ZSCAN25: variants seen among roughly 807,000 people sequenced by gnomAD.
ZSCAN25 encodes zinc finger and SCAN domain containing 25, also known as zinc finger and SCAN domain-containing protein 25.
Under a neutral mutation model 38.7 loss-of-function variants are expected in ZSCAN25, and 27 were observed. That is an observed-to-expected ratio of 0.70 (90% CI 0.51 to 0.96). ZSCAN25 has a LOEUF of 0.96. Among genes scored for constraint, ZSCAN25 ranks in the 40% least tolerant of loss-of-function variants. The probability of loss-of-function intolerance (pLI) is 0.00; values close to 1 mark genes in which losing one functional copy is unlikely to be tolerated. For synonymous variants in ZSCAN25, 273 were observed against 277.7 expected (o/e 0.98, Z 0.17); for missense variants, 637 against 705.9 (o/e 0.90, Z 1.11).
chr7:99,654,736 C>T, the ZSCAN25 span, among the ~76,000 whole-genome samples: 1 of 152,238 alleles, frequency 6.6e-6, no homozygotes. Flanking sequence ...ACATCCTCTC[C>T]AGCACCTGTT....
chr7:99,710,696 ACCT>A, the ZSCAN25 span: 1 of 1,613,466 alleles, frequency 6.2e-7, no homozygotes, highest in Non-Finnish European at 8.5e-7. Flanking sequence ...CTAAGGCTTC[ACCT>A]CCTCCCTCCT....
chr7:99,672,995 G>C, the ZSCAN25 span: 1 of 660,412 alleles, frequency 1.5e-6, no homozygotes, highest in Non-Finnish European at 2.0e-6. Flanking sequence ...TGGTACATAC[G>C]TGGGTATCTC....
Position 99,619,874 on chromosome 7 carries a change from T to A in ZSCAN25, c.268T>A (p.Phe90Ile), listed in dbSNP as rs1806792605. The part of the protein sequence containing the change: ...QILELLVLEQ[F>I]LTILPREFYA... Reference sequence around the variant, plus strand: ...CCTGGAGCTGCTGGTGCTGGAGCAGTTCCTCACTATCCTGCCCCGCGAGTT... The same window carrying A: ...CCTGGAGCTGCTGGTGCTGGAGCAGATCCTCACTATCCTGCCCCGCGAGTT... The change falls in exon 4 of 8, where the codon TTC becomes ATC. Residue 90 changes from phenylalanine (F) to isoleucine (I), a missense_variant. Transcript: ENST00000394152. 1 of 1,614,088 alleles carries A rather than the reference T, an allele frequency of 6.2e-7. No individual in the cohort carries two copies. The highest frequency in any genetic ancestry group is 1.3e-5 in the African/African-American group (1 of 74,940).
the ZSCAN25 span, among the ~76,000 whole-genome samples, chr7:99,654,769 G>A: frequency 2.2e-4 from 33 of 152,258 alleles, no homozygotes; most frequent in Admixed American, 1.2e-3. Flanking sequence ...TTTAATGATC[G>A]CCATTCTAAC....
chr7:99,725,795 C>G, the ZSCAN25 span, among the ~76,000 whole-genome samples: 1 of 152,178 alleles, frequency 6.6e-6, no homozygotes, highest in Non-Finnish European at 1.5e-5. Context: ...TGCCAAACTT[C>G]AGGTAACTCT....
At chr7:99,667,150 T>G in the ZSCAN25 span, 1 of 1,297,708 alleles carries the variant, frequency 7.7e-7, no homozygotes, top group Non-Finnish European at 1.1e-6. Context: ...GGCATCCTTA[T>G]TTAACAAATA....
the ZSCAN25 span, among the ~76,000 whole-genome samples, chr7:99,642,959 C>T: frequency 2.0e-5 from 3 of 152,122 alleles, no homozygotes; most frequent in Non-Finnish European, 4.4e-5. Context: ...TATTGTGGAA[C>T]TTGGAAAGGA....
At chr7:99,663,378 G>C in the ZSCAN25 span, 1 of 991,222 alleles carries the variant, frequency 1.0e-6, no homozygotes, top group Non-Finnish European at 1.2e-6. Flanking sequence ...TGGGTTACCT[G>C]GTCCTGTCTC....
the ZSCAN25 span, among the ~76,000 whole-genome samples, chr7:99,683,843 G>A: frequency 6.6e-6 from 1 of 152,088 alleles, no homozygotes; most frequent in Non-Finnish European, 1.5e-5. Context: ...ACCTTAATGT[G>A]TGGCCACCAT....
chr7:99,715,668 T>G, the ZSCAN25 span: 1 of 1,598,660 alleles, frequency 6.3e-7, no homozygotes, highest in Admixed American at 1.7e-5. Context: ...CTGTACATTT[T>G]AAGTGGATGA....
chr7:99,723,474 G>A, the ZSCAN25 span, among the ~76,000 whole-genome samples: 2 of 152,124 alleles, frequency 1.3e-5, no homozygotes, highest in Non-Finnish European at 2.9e-5. Flanking sequence ...TCCCTTTGCA[G>A]ACTCCTTTTC....
At chr7:99,692,689 G>A in the ZSCAN25 span, among the ~76,000 whole-genome samples, 1 of 152,068 alleles carries the variant, frequency 6.6e-6, no homozygotes, top group Non-Finnish European at 1.5e-5. Flanking sequence ...GATCGAATCG[G>A]CTATTGAAGC....
the ZSCAN25 span, among the ~76,000 whole-genome samples, chr7:99,700,421 C>G: frequency 2.6e-5 from 4 of 152,028 alleles, no homozygotes; most frequent in South Asian, 8.3e-4. Flanking sequence ...TCCATCCCCA[C>G]AAGCCACAAC....
At chr7:99,633,781 T>C (rs1307298111), downstream of ZSCAN25, among the ~76,000 whole-genome samples, 2 of 152,238 alleles carry the variant, frequency 1.3e-5, no homozygotes, top group East Asian at 1.9e-4. Flanking sequence ...GCTGGAGTTA[T>C]AATTTGATGC....
the ZSCAN25 span, chr7:99,647,970 A>G: frequency 1.0e-6 from 1 of 985,316 alleles, no homozygotes; most frequent in Non-Finnish European, 1.2e-6. Flanking sequence ...CTTAAAAGTT[A>G]TGGATCAAAT....
At chr7:99,637,407 AAG>A (rs199804976), downstream of ZSCAN25, among the ~76,000 whole-genome samples, 127 of 152,268 alleles carry the variant, frequency 8.3e-4, 2 homozygotes, top group East Asian at 0.016. Flanking sequence ...AAGTTTAAAA[AAG>A]AGGAAAAACA....
At chr7:99,686,140 G>T in the ZSCAN25 span, among the ~76,000 whole-genome samples, 2 of 152,298 alleles carry the variant, frequency 1.3e-5, no homozygotes, top group South Asian at 4.1e-4. Context: ...TCTCACTAGG[G>T]AGTGCCAGAC....
downstream of ZSCAN25, among the ~76,000 whole-genome samples, chr7:99,633,128 G>A (rs1808125053): frequency 6.6e-6 from 1 of 151,922 alleles, no homozygotes; most frequent in Non-Finnish European, 1.5e-5. Context: ...TGGGATTACA[G>A]GCATGTGCCA....
the ZSCAN25 span, among the ~76,000 whole-genome samples, chr7:99,680,212 A>C: frequency 6.6e-6 from 1 of 152,092 alleles, no homozygotes; most frequent in Non-Finnish European, 1.5e-5. Context: ...CATGAAATCT[A>C]TTAACCCTCC....
Sources: allele counts gnomAD v4.1 joint callset (sites outside exome capture counted in the v4.1 genomes callset), GRCh38; gene constraint gnomAD v4.1.1; transcripts MANE v1.5; gene names NCBI Gene and HGNC (gene_info 2026-07-23, HGNC 2026-07-21).